CKMT2: variants seen among roughly 807,000 people sequenced by gnomAD.
CKMT2 encodes creatine kinase S-type, mitochondrial.
CKMT2 carries 43 observed loss-of-function variants against 48.9 expected under a neutral mutation model. The observed-to-expected ratio is 0.88, with a 90% CI of 0.69 to 1.13. The LOEUF is 1.13. Ranked by LOEUF, CKMT2 falls within the 50% of genes most tolerant of loss-of-function variation. CKMT2 has a pLI of 0.00. For missense variants in CKMT2, 472 were observed against 555.4 expected, an observed-to-expected ratio of 0.85 and a Z score of 1.51; for synonymous variants, 206 against 213.0, an observed-to-expected ratio of 0.97 and a Z score of 0.29.
At chr5:81,252,608 G>GT in intron 2 of CKMT2, 87 bp from the exon 3 acceptor site, 1 of 1,385,516 alleles carries the variant, frequency 7.2e-7, no homozygotes. Flanking sequence ...AGGGAGCCTA[G>GT]TGGAAGGATG....
chr5:81,238,445 C>T (rs572149475), intron 1 of CKMT2: 1 of 152,348 alleles, frequency 6.6e-6, no homozygotes, highest in South Asian at 2.1e-4. Context: ...TGCTTAATCT[C>T]AATTCCTGTA....
Position 81,259,225 on chromosome 5 carries a change from G to C in CKMT2, c.985G>C (p.Val329Leu). The C allele has an allele frequency of 6.2e-7, 1 of 1,614,018 alleles. No homozygotes were observed. Among genetic ancestry groups the C allele is most frequent in the East Asian group, 2.2e-5 (1 of 44,862 alleles). Residue 329 changes from valine (V) to leucine (L), a missense_variant, in exon 8 of 10, where the codon GTC becomes CTC. Physicochemically the swap from Val to Leu is conservative, Grantham distance 32. Transcript: ENST00000254035. ...SNLGTGLRAG[V>L]HVRIPKLSKD... ...CCTTGGAACAGGACTACGAGCTGGTGTCCACGTTAGGATCCCAAAGCTCAG... is the reference window on the plus strand; with the variant it reads ...CCTTGGAACAGGACTACGAGCTGGTCTCCACGTTAGGATCCCAAAGCTCAG...
chr5:81,235,433 T>C (rs1756215956), intron 1 of CKMT2, among the ~76,000 whole-genome samples: 1 of 152,152 alleles, frequency 6.6e-6, no homozygotes, highest in South Asian at 2.1e-4. Context: ...TTGGGGTGGC[T>C]CTCTGGATGG....
chr5:81,236,804 T>C (rs1178200290), intron 1 of CKMT2, among the ~76,000 whole-genome samples: 2 of 152,218 alleles, frequency 1.3e-5, no homozygotes, highest in Non-Finnish European at 2.9e-5. Context: ...TCAGTAGATC[T>C]GAAAGTATGT....
At chr5:81,250,162 GT>G (rs919300765) in intron 1 of CKMT2, among the ~76,000 whole-genome samples, 3 of 151,936 alleles carry the variant, frequency 2.0e-5, no homozygotes, top group African/African-American at 7.3e-5. Flanking sequence ...TCATTTCTCT[GT>G]GCTACATTCT....
chr5:81,239,701 G>A (rs1756371165), intron 1 of CKMT2, among the ~76,000 whole-genome samples: 1 of 152,156 alleles, frequency 6.6e-6, no homozygotes, highest in African/African-American at 2.4e-5. Flanking sequence ...CTGTCCCATA[G>A]CCAACCATGC....
At chr5:81,261,698 GACAA>G (rs888743454) in intron 8 of CKMT2, among the ~76,000 whole-genome samples, 3 of 152,060 alleles carry the variant, frequency 2.0e-5, no homozygotes, top group African/African-American at 4.8e-5. Context: ...TAAAAGAGGA[GACAA>G]ACAAATGGAA....
intron 2 of CKMT2, 110 bp from the exon 3 acceptor site, chr5:81,252,585 G>A: frequency 3.7e-6 from 4 of 1,084,538 alleles, no homozygotes; most frequent in Non-Finnish European, 5.5e-6. Flanking sequence ...GTATCCCTGT[G>A]CCCACTGGCT....
chr5:81,256,343 TTA>T (rs1757008796), intron 5 of CKMT2, among the ~76,000 whole-genome samples: 1 of 152,202 alleles, frequency 6.6e-6, no homozygotes, highest in Non-Finnish European at 1.5e-5. Context: ...TTTTCTTCAT[TTA>T]TAAAATAATT....
intron 1 of CKMT2, among the ~76,000 whole-genome samples, chr5:81,241,305 G>A (rs1040482831): frequency 1.3e-5 from 2 of 152,182 alleles, no homozygotes; most frequent in Non-Finnish European, 2.9e-5. Flanking sequence ...AAGGGGAAGA[G>A]CTTCCTCCTT....
chr5:81,261,889 TC>T (rs1253529707), intron 8 of CKMT2, among the ~76,000 whole-genome samples: 3 of 152,130 alleles, frequency 2.0e-5, no homozygotes, highest in African/African-American at 7.2e-5. Flanking sequence ...GCCAAGTCAA[TC>T]CTAAGCAAAA....
chr5:81,257,851 A>T lies in CKMT2; in HGVS notation c.874A>T (p.Lys292Ter), dbSNP rs746625319. 169 of 1,611,412 alleles carry T rather than the reference A, an allele frequency of 1.0e-4. No individual in the cohort carries two copies. The highest frequency in any genetic ancestry group is 1.3e-4 in the Non-Finnish European group (159 of 1,178,814). ...ATTTGAGCGATTCTGTCGTGGACTA[A>T]AAGAAGTAAGATGTTATCTGAGATT... ...RVFERFCRGL[K>*]EVERLIQERG... Residue 292 changes from lysine to a stop codon, truncating the protein, a stop_gained, in exon 7 of 10, where the codon AAA becomes TAA. Coordinates refer to ENST00000254035, the MANE Select transcript of CKMT2 (RefSeq NM_001099735.2). LOFTEE classifies it high-confidence loss of function.
chr5:81,258,813 C>G (rs1479567716), intron 7 of CKMT2, among the ~76,000 whole-genome samples: 1 of 152,100 alleles, frequency 6.6e-6, no homozygotes, highest in Non-Finnish European at 1.5e-5. Context: ...CAGTTTCATC[C>G]CAAAATATTC....
chr5:81,237,436 G>A (rs1015508572), intron 1 of CKMT2: 2 of 152,128 alleles, frequency 1.3e-5, no homozygotes, highest in Admixed American at 6.5e-5. Flanking sequence ...TACACCTAGC[G>A]GGGCTTGGTA....
intron 5 of CKMT2, among the ~76,000 whole-genome samples, chr5:81,255,447 A>G (rs888801396): frequency 2.0e-5 from 3 of 152,246 alleles, no homozygotes; most frequent in African/African-American, 7.2e-5. Context: ...CTGCATAGGA[A>G]ACTCCAATAT....
At position 81,257,594 on chromosome 5, in the gene CKMT2, C is replaced by G; in HGVS notation, c.756-139C>G. The G allele has an allele frequency of 6.5e-6, 4 of 612,374 alleles. No homozygotes were observed. In the East Asian group the frequency reaches 8.7e-5, roughly 13 times the overall value. The allele number at this position is 612,374 out of a possible 1,614,324, so 37.9% of individuals were successfully genotyped here. A position where few individuals can be genotyped will look rare whatever the true frequency, so the allele number is the denominator to read the frequency against. The stretch of plus-strand genomic sequence containing the variant: ...GTAACATTATTTTGTCATACTTGTT[C>G]AGGCACAGTTAAGAGATTAGGGCCA... On this transcript the variant is annotated intron_variant, in intron 6 of 9. Coordinates refer to ENST00000254035, the MANE Select transcript of CKMT2 (RefSeq NM_001099735.2).
At chr5:81,251,312 T>C in intron 2 of CKMT2, 28 bp downstream of exon 2, 2 of 1,611,412 alleles carry the variant, frequency 1.2e-6, no homozygotes, top group Non-Finnish European at 8.5e-7. Context: ...TAAAATAACC[T>C]CAGGCCAGGC....
At chr5:81,236,592 G>A (rs183616921) in intron 1 of CKMT2, among the ~76,000 whole-genome samples, 6 of 152,236 alleles carry the variant, frequency 3.9e-5, no homozygotes, top group Admixed American at 3.3e-4. Context: ...TGACTCAGTC[G>A]GTGTATAGGG....
At chr5:81,247,355 C>G (rs993406989) in intron 1 of CKMT2, among the ~76,000 whole-genome samples, 4 of 152,196 alleles carry the variant, frequency 2.6e-5, no homozygotes, top group African/African-American at 9.7e-5. Context: ...TTGATAGACA[C>G]AGATTACCCC....
Sources: allele counts gnomAD v4.1 joint callset (sites outside exome capture counted in the v4.1 genomes callset), GRCh38; gene constraint gnomAD v4.1.1; transcripts MANE v1.5; gene names NCBI Gene and HGNC (gene_info 2026-07-23, HGNC 2026-07-21).